MYO10: variants seen among roughly 807,000 people sequenced by gnomAD.
The protein encoded by MYO10 is unconventional myosin-X.
MYO10 carries 133 observed loss-of-function variants against 257.3 expected under a neutral mutation model. The ratio of observed to expected loss-of-function variants is 0.52; its 90% CI spans 0.45 to 0.60. MYO10 has a LOEUF of 0.60. Ranked by LOEUF, MYO10 falls within the 20% of genes least tolerant of loss-of-function variation. The probability of loss-of-function intolerance (pLI) is 0.00; values close to 1 mark genes in which losing one functional copy is unlikely to be tolerated. For missense variants in MYO10, 2,399 were observed against 2,635.7 expected (o/e 0.91, Z 1.97); for synonymous variants, 1,104 against 1,028.6 (o/e 1.07, Z -1.40).
intron 19 of MYO10, among the ~76,000 whole-genome samples, chr5:16,749,565 A>G (rs887731832): frequency 2.6e-5 from 4 of 151,736 alleles, no homozygotes; most frequent in African/African-American, 9.7e-5. Context: ...AACCAGTCCC[A>G]GAAACATTAG....
At chr5:16,768,327 G>A (rs1313573584) in intron 10 of MYO10, among the ~76,000 whole-genome samples, 2 of 152,056 alleles carry the variant, frequency 1.3e-5, no homozygotes, top group Non-Finnish European at 2.9e-5. Context: ...AGTATTCAGG[G>A]GATAAAGAAC....
intron 2 of MYO10, among the ~76,000 whole-genome samples, chr5:16,858,860 A>G (rs1344303717): frequency 6.6e-6 from 1 of 152,194 alleles, no homozygotes; most frequent in Non-Finnish European, 1.5e-5. Context: ...CAGGAGGCTG[A>G]GACAGAAGAA....
At chr5:16,902,782 G>A (rs1044808825) in intron 1 of MYO10, 21 of 623,216 alleles carry the variant, frequency 3.4e-5, no homozygotes, top group Non-Finnish European at 4.3e-5. Context: ...GATTACAGGC[G>A]TAAGCCACCG....
chr5:16,931,609 T>C (rs1210475567), intron 1 of MYO10, among the ~76,000 whole-genome samples: 2 of 149,178 alleles, frequency 1.3e-5, no homozygotes, highest in African/African-American at 5.0e-5. Context: ...TCCCCCTGGC[T>C]TTGCTGTCCC....
At chr5:16,816,014 T>C (rs1050681710) in intron 3 of MYO10, among the ~76,000 whole-genome samples, 3 of 150,648 alleles carry the variant, frequency 2.0e-5, no homozygotes, top group African/African-American at 7.3e-5. Flanking sequence ...TTAGGTCGAT[T>C]TGACAAAAAT....
intron 4 of MYO10, among the ~76,000 whole-genome samples, chr5:16,791,000 C>T (rs1741734719): frequency 6.6e-6 from 1 of 151,384 alleles, no homozygotes; most frequent in Non-Finnish European, 1.5e-5. Context: ...AAAACTAGAC[C>T]TTAAGAGAGG....
chr5:16,933,453 A>C (rs538834074), intron 1 of MYO10, among the ~76,000 whole-genome samples: 2 of 152,290 alleles, frequency 1.3e-5, no homozygotes, highest in East Asian at 3.9e-4. Context: ...TCATTCAGTA[A>C]TTTTTCCCCA....
chr5:16,746,160 A>G (rs1471272804), intron 19 of MYO10, among the ~76,000 whole-genome samples: 1 of 152,182 alleles, frequency 6.6e-6, no homozygotes, highest in Non-Finnish European at 1.5e-5. Context: ...TTTAGACGAT[A>G]TAGGGTAACT....
At chr5:16,767,384 G>T (rs1385833239) in intron 10 of MYO10, among the ~76,000 whole-genome samples, 1 of 151,672 alleles carries the variant, frequency 6.6e-6, no homozygotes, top group Admixed American at 6.6e-5. Flanking sequence ...CGGCCTGGCT[G>T]GTCTCCAACT....
At chr5:16,705,525 G>A (rs568238586) in intron 21 of MYO10, among the ~76,000 whole-genome samples, 14 of 152,304 alleles carry the variant, frequency 9.2e-5, no homozygotes, top group African/African-American at 2.2e-4. Context: ...TTTAATACAC[G>A]CATAAGAAAT....
At chr5:16,897,712 T>G (rs1245998904) in intron 1 of MYO10, among the ~76,000 whole-genome samples, 2 of 152,202 alleles carry the variant, frequency 1.3e-5, no homozygotes, top group Non-Finnish European at 2.9e-5. Flanking sequence ...CAGGCTACCC[T>G]GACAGCTCTC....
At chr5:16,843,133 C>A (rs570191857) in intron 2 of MYO10, among the ~76,000 whole-genome samples, 28 of 152,180 alleles carry the variant, frequency 1.8e-4, no homozygotes, top group Non-Finnish European at 3.2e-4. Flanking sequence ...CCCTGACAGG[C>A]CTCGAGCCAG....
intron 3 of MYO10, among the ~76,000 whole-genome samples, chr5:16,812,418 G>C (rs935580570): frequency 1.3e-5 from 2 of 152,172 alleles, no homozygotes; most frequent in Non-Finnish European, 2.9e-5. Flanking sequence ...CGACAAGCCT[G>C]GGACAGGAAT....
In MYO10 at chr5:16,891,010, C is replaced by T. The variant is rs777461316; in HGVS notation, c.22-13303G>A. ...ATAGAGACAGAAAGTTGGTCAGGCACGGTGGCTCACATCTGTAATCCCAGT... is the reference window on the plus strand; with the variant it reads ...ATAGAGACAGAAAGTTGGTCAGGCATGGTGGCTCACATCTGTAATCCCAGT... On this transcript the variant is annotated intron_variant, in intron 1 of 40. Transcript: ENST00000513610. Among the ~76,000 whole-genome samples the T allele has an allele frequency of 5.3e-5, 8 of 150,720 alleles. 1 individual carries two copies. The highest frequency in any genetic ancestry group is 1.2e-4 in the African/African-American group (5 of 40,692).
chr5:16,909,702 T>C (rs1021331349), intron 1 of MYO10, among the ~76,000 whole-genome samples: 1 of 152,044 alleles, frequency 6.6e-6, no homozygotes, highest in African/African-American at 2.4e-5. Flanking sequence ...CAGACATGAT[T>C]TGTTTAGCCC....
At chr5:16,840,430 AATGAATGAATGAAT>A (rs766272446) in intron 2 of MYO10, among the ~76,000 whole-genome samples, 21,568 of 151,846 alleles carry the variant, frequency 0.14, 1,830 homozygotes, top group East Asian at 0.28. Context: ...TGAATGAATG[AATGAATGAATGAAT>A]GAAAGAAAGA....
rs535124818 is a variant in MYO10, at chr5:16,759,080, C to A, written c.1740-854G>T. ...GGGATTATAGGCGCCTGCCATCACG[C>A]CTGGCTAATTTTTATATTTTGTAGT... is the stretch of plus-strand genomic sequence containing the variant. On this transcript the variant is annotated intron_variant, in intron 17 of 40. Coordinates refer to ENST00000513610, the MANE Select transcript of MYO10 (RefSeq NM_012334.3). Among the ~76,000 whole-genome samples, 3 of 152,228 alleles carry A rather than the reference C, an allele frequency of 2.0e-5. No individual in the cohort carries two copies. In the East Asian group the frequency reaches 5.8e-4, roughly 29 times the overall value.
chr5:16,744,176 C>T (rs1740105421), intron 19 of MYO10, among the ~76,000 whole-genome samples: 1 of 152,166 alleles, frequency 6.6e-6, no homozygotes, highest in Non-Finnish European at 1.5e-5. Flanking sequence ...TGTGACTCAG[C>T]TTAAATTTGG....
chr5:16,927,295 CT>C (rs776999994), intron 1 of MYO10, among the ~76,000 whole-genome samples: 7 of 152,112 alleles, frequency 4.6e-5, no homozygotes, highest in Non-Finnish European at 8.8e-5. Context: ...TTTGTGTCTT[CT>C]GCTTATGGTA....
Sources: allele counts gnomAD v4.1 joint callset (sites outside exome capture counted in the v4.1 genomes callset), GRCh38; gene constraint gnomAD v4.1.1; transcripts MANE v1.5; gene names NCBI Gene and HGNC (gene_info 2026-07-23, HGNC 2026-07-21).